GLCE: variants seen among roughly 807,000 people sequenced by gnomAD.
The protein encoded by GLCE is D-glucuronyl C5-epimerase.
In GLCE, 19 loss-of-function variants were observed where a neutral mutation model predicts 47.9. The observed-to-expected ratio is 0.40, with a 90% CI of 0.28 to 0.58. The LOEUF (loss-of-function observed/expected upper bound fraction) is 0.58. GLCE is among the 20% of genes least tolerant of loss of function. GLCE has a pLI of 0.48. For missense variants in GLCE, 556 were observed against 743.3 expected, an observed-to-expected ratio of 0.75 and a Z score of 2.93; for synonymous variants, 245 against 263.4, an observed-to-expected ratio of 0.93 and a Z score of 0.68.
rs1273847351 is a variant in GLCE at position 69,216,663 on chromosome 15, T to C, written c.-14+6257T>C. Among the ~76,000 whole-genome samples, 4 of 152,146 alleles carry C rather than the reference T, an allele frequency of 2.6e-5. No homozygotes were observed. In the East Asian group the frequency reaches 7.7e-4, roughly 29 times the overall value. On this transcript the variant is annotated intron_variant, in intron 2 of 4. Coordinates refer to ENST00000261858, the MANE Select transcript of GLCE (RefSeq NM_015554.3). ...TTGCTGTATAACAAATAGAAAGTTA[T>C]ACAGCAAACTGTATAGCTGCTGTAT... is the stretch of plus-strand genomic sequence containing the variant.
intron 3 of GLCE, among the ~76,000 whole-genome samples, chr15:69,259,484 G>A (rs372214445): frequency 6.6e-6 from 1 of 151,990 alleles, no homozygotes; most frequent in East Asian, 1.9e-4. Flanking sequence ...ATTTTTTTAC[G>A]TTTAACTTTT....
intron 3 of GLCE, among the ~76,000 whole-genome samples, chr15:69,260,521 A>G (rs896983264): frequency 1.3e-5 from 2 of 152,132 alleles, no homozygotes; most frequent in Non-Finnish European, 2.9e-5. Flanking sequence ...TGGCCTCCCA[A>G]AGTGCTAGGA....
chr15:69,257,219 C>A (rs931425794), intron 3 of GLCE, among the ~76,000 whole-genome samples: 1 of 152,178 alleles, frequency 6.6e-6, no homozygotes, highest in Non-Finnish European at 1.5e-5. Flanking sequence ...AGGATTATAG[C>A]CCACTCATGT....
At chr15:69,215,184 C>A (rs1200687109) in intron 2 of GLCE, among the ~76,000 whole-genome samples, 1 of 152,122 alleles carries the variant, frequency 6.6e-6, no homozygotes, top group Non-Finnish European at 1.5e-5. Flanking sequence ...TCTGTGACCA[C>A]CCCCGCACCC....
chr15:69,209,765 C>T (rs1442456312), intron 1 of GLCE, among the ~76,000 whole-genome samples: 11 of 152,132 alleles, frequency 7.2e-5, no homozygotes, highest in Admixed American at 7.2e-4. Context: ...AATGTTCACT[C>T]CCTGCAGCTG....
rs569294450 is a variant in GLCE, at chr15:69,255,835, A to G, written c.29A>G (p.Tyr10Cys). The stretch of plus-strand genomic sequence containing the variant: ...CGTTGCTTGGCAGCTCGGGTCAACT[A>G]TAAGACTTTGATTATTATCTGCGCA... The part of the protein sequence containing the change: MRCLAARVN[Y>C]KTLIIICALF... Residue 10 changes from tyrosine to cysteine, a missense_variant, in exon 3 of 5, where the codon TAT (tyrosine) becomes TGT (cysteine). Around this residue, in one of 3 missense-constraint regions of GLCE, gnomAD observed 237 missense variants for 310.9 expected, o/e 0.76. Transcript: ENST00000261858. The G allele has an allele frequency of 1.1e-5, 17 of 1,613,104 alleles. No homozygotes were observed. Among genetic ancestry groups the G allele is most frequent in the South Asian group, 8.8e-5 (8 of 91,050 alleles).
chr15:69,177,799 T>C (rs1436077386), intron 1 of GLCE, among the ~76,000 whole-genome samples: 1 of 152,266 alleles, frequency 6.6e-6, no homozygotes, highest in Non-Finnish European at 1.5e-5. Flanking sequence ...ATCTACTTAA[T>C]GTAACTACAG....
chr15:69,187,341 G>A (rs2051839233), intron 1 of GLCE, among the ~76,000 whole-genome samples: 3 of 152,012 alleles, frequency 2.0e-5, no homozygotes, highest in South Asian at 4.1e-4. Context: ...GAAAGGAAAA[G>A]GATACTAATG....
chr15:69,185,497 C>A (rs761325644), intron 1 of GLCE, among the ~76,000 whole-genome samples: 6 of 152,112 alleles, frequency 3.9e-5, no homozygotes, highest in Non-Finnish European at 8.8e-5. Context: ...TCTAGCTCCA[C>A]TGCTTTCCAG....
At chr15:69,250,456 AC>A (rs1419202096) in intron 2 of GLCE, among the ~76,000 whole-genome samples, 1 of 152,008 alleles carries the variant, frequency 6.6e-6, no homozygotes, top group Non-Finnish European at 1.5e-5. Context: ...TAACTGACTT[AC>A]ATTTTTTTCT....
chr15:69,174,954 T>C (rs1167775472), intron 1 of GLCE, among the ~76,000 whole-genome samples: 2 of 152,292 alleles, frequency 1.3e-5, no homozygotes, highest in East Asian at 3.9e-4. Context: ...CTGTTACTAA[T>C]TGCTTTATAA....
At chr15:69,207,652 G>A (rs529352241) in intron 1 of GLCE, among the ~76,000 whole-genome samples, 8 of 151,904 alleles carry the variant, frequency 5.3e-5, no homozygotes, top group Middle Eastern at 3.2e-3. Flanking sequence ...CCATTCACCC[G>A]GACATTTTGG....
At chr15:69,205,637 G>T (rs2052140034) in intron 1 of GLCE, among the ~76,000 whole-genome samples, 1 of 152,022 alleles carries the variant, frequency 6.6e-6, no homozygotes, top group African/African-American at 2.4e-5. Context: ...TAGTTGTTCT[G>T]CACAGTTGTC....
intron 2 of GLCE, among the ~76,000 whole-genome samples, chr15:69,248,353 A>T (rs2052784794): frequency 1.3e-5 from 2 of 152,220 alleles, no homozygotes; most frequent in African/African-American, 2.4e-5. Context: ...ATCTGTTTTA[A>T]AATCGGCCAA....
intron 2 of GLCE, among the ~76,000 whole-genome samples, chr15:69,250,817 A>C (rs1595782810): frequency 1.3e-5 from 2 of 152,122 alleles, no homozygotes; most frequent in Non-Finnish European, 2.9e-5. Context: ...AAAAAAAAAA[A>C]AAAAAACAGC....
intron 2 of GLCE, among the ~76,000 whole-genome samples, chr15:69,225,440 A>G (rs921885134): frequency 6.6e-6 from 1 of 152,222 alleles, no homozygotes; most frequent in Non-Finnish European, 1.5e-5. Flanking sequence ...GTTAATAATT[A>G]TAAGGTTTTG....
chr15:69,247,437 T>A (rs199695623), intron 2 of GLCE, among the ~76,000 whole-genome samples: 7 of 151,878 alleles, frequency 4.6e-5, no homozygotes, highest in African/African-American at 1.7e-4. Flanking sequence ...TTGTGGCTGG[T>A]TTGACCTTAA....
In GLCE at chr15:69,232,094, A is replaced by T. The variant is rs530223482; in HGVS notation, c.-14+21688A>T. Among the ~76,000 whole-genome samples, 4 of 152,278 alleles carry T rather than the reference A, an allele frequency of 2.6e-5. No individual in the cohort carries two copies. In the South Asian group the frequency reaches 8.3e-4, roughly 32 times the overall value. On this transcript the variant is annotated intron_variant, in intron 2 of 4. Coordinates refer to ENST00000261858, the MANE Select transcript of GLCE (RefSeq NM_015554.3). ...GCCCAAGCCACCACCCCGGCCTCAG[A>T]TTTTTATATATACGTTTGGATGGAG... is the stretch of plus-strand genomic sequence containing the variant.
At chr15:69,184,451 A>G (rs2051794341) in intron 1 of GLCE, among the ~76,000 whole-genome samples, 1 of 152,258 alleles carries the variant, frequency 6.6e-6, no homozygotes. Context: ...TTATATTACT[A>G]CATTTAAATT....
Sources: gnomAD v4.1 joint callset for allele counts (sites outside exome capture counted in the v4.1 genomes callset) on GRCh38, gnomAD v4.1.1 for gene constraint, gnomAD v4.1.1 regional missense constraint, MANE v1.5 for transcripts, NCBI Gene and HGNC (gene_info 2026-07-23, HGNC 2026-07-21) for gene names.